PPP1R3F: variants seen among roughly 807,000 people sequenced by gnomAD.
PPP1R3F encodes the protein protein phosphatase 1, regulatory (inhibitor) subunit 3F.
PPP1R3F carries 29 observed loss-of-function variants against 24.2 expected under a neutral mutation model. The ratio of observed to expected loss-of-function variants is 1.20; its 90% CI spans 0.89 to 1.63. The LOEUF (loss-of-function observed/expected upper bound fraction) is 1.63, where lower values mean the gene tolerates loss of function less well. Ranked by LOEUF, PPP1R3F falls within the 40% of genes most tolerant of loss-of-function variation. The pLI, the probability that PPP1R3F is intolerant of heterozygous loss-of-function variation, is 0.00. For synonymous variants in PPP1R3F, 363 were observed against 340.1 expected, an observed-to-expected ratio of 1.07 and a Z score of -0.74; for missense variants, 823 against 729.3, an observed-to-expected ratio of 1.13 and a Z score of -1.48.
chrX:49,292,069 G>C (rs1189065586), downstream of PPP1R3F, among the ~76,000 whole-genome samples: 2 of 111,838 alleles, frequency 1.8e-5, no homozygotes, highest in Admixed American at 9.5e-5. Flanking sequence ...TTGCCAGCAG[G>C]GGGCATCTTA....
intron 3 of PPP1R3F, among the ~76,000 whole-genome samples, chrX:49,297,342 T>A (rs1349949714): frequency 9.2e-6 from 1 of 109,104 alleles, no homozygotes; most frequent in African/African-American, 3.3e-5. Context: ...GCCTCCCGAG[T>A]AGCTGGGACT....
intron 3 of PPP1R3F, among the ~76,000 whole-genome samples, chrX:49,295,482 C>T (rs2066320459): frequency 8.9e-6 from 1 of 111,905 alleles, no homozygotes; most frequent in Admixed American, 9.5e-5. Context: ...AGTTTTGCAT[C>T]CCCAGGATAA....
At chrX:49,285,636 A>G (rs1195707233) in intron 3 of PPP1R3F, among the ~76,000 whole-genome samples, 198 bp from the exon 4 acceptor site, 2 of 111,727 alleles carry the variant, frequency 1.8e-5, no homozygotes, top group East Asian at 2.8e-4. Context: ...ACTGCATCCA[A>G]TTGTGTTATT....
At position 49,270,478 on chromosome X, in the gene PPP1R3F, G is replaced by T. The variant is rs201191607; in HGVS notation, c.609G>T (p.Pro203=). The change falls in exon 1 of 4, where the codon CCG becomes CCT. Residue 203 remains proline, a synonymous_variant. Coordinates refer to ENST00000055335, the MANE Select transcript of PPP1R3F (RefSeq NM_033215.5). Reference sequence around the variant, plus strand: ...CAGCGCGCTACGTCCCGCGCAGCCCGCCGTGGGCAGGAGCGGGAGGAACAG... The same window carrying T: ...CAGCGCGCTACGTCCCGCGCAGCCCTCCGTGGGCAGGAGCGGGAGGAACAG... ...DHPARYVPRS[P]PWAGAGGTGA... is the part of the protein sequence containing the mutation. 19 of 1,203,140 alleles carry T rather than the reference G, an allele frequency of 1.6e-5. No homozygotes were observed. In the African/African-American group the frequency reaches 1.7e-4, roughly 11 times the overall value.
chrX:49,300,477 GTTTT>G (rs35140303), intron 3 of PPP1R3F, among the ~76,000 whole-genome samples: 20 of 70,379 alleles, frequency 2.8e-4, no homozygotes, highest in Non-Finnish European at 3.6e-4. Context: ...TATTGCTGCT[GTTTT>G]TTTTTTTTTT....
At chrX:49,295,023 T>A (rs191096229) in intron 3 of PPP1R3F, among the ~76,000 whole-genome samples, 166 of 109,746 alleles carry the variant, frequency 1.5e-3, no homozygotes, top group African/African-American at 5.1e-3. Flanking sequence ...TTTTTTAAGA[T>A]CATGAATCAA....
At position 49,269,987 on chromosome X, in the gene PPP1R3F, G is replaced by A; in HGVS notation, c.118G>A (p.Ala40Thr). 1.1e-6 allele frequency: 1 copy of A among 914,844 alleles called. No individual in the cohort carries two copies. Among genetic ancestry groups the A allele is most frequent in the Non-Finnish European group, 1.3e-6 (1 of 741,566 alleles). 75.4% of individuals were successfully genotyped at this position (914,844 alleles called of 1,213,427 possible). ...AAVAPRRVLFADEALGLPLAQ... is the reference protein window; with the variant it reads ...AAVAPRRVLFTDEALGLPLAQ... ...GGTGGCCCCGCGGAGGGTGCTGTTC[G>A]CCGACGAGGCCTTGGGGCTGCCGCT... The change falls in exon 1 of 4, where the codon GCC (alanine) becomes ACC (threonine). Residue 40 changes from alanine to threonine, a missense_variant. By Grantham distance (58) the Ala-to-Thr change is moderately conservative (BLOSUM62 0). Transcript: ENST00000055335.
chrX:49,270,380 C>CTTCA lies in PPP1R3F; in HGVS notation c.512_513insTCAT (p.Asn172HisfsTer81). The CTTCA allele has an allele frequency of 8.6e-7, 1 of 1,162,377 alleles. No individual in the cohort carries two copies. The highest frequency in any genetic ancestry group is 1.1e-6 in the Non-Finnish European group (1 of 876,623). On this transcript the variant is annotated frameshift_variant, in exon 1 of 4. Transcript: ENST00000055335. LOFTEE classifies it high-confidence loss of function. Reference sequence around the variant, plus strand: ...GGTGCTGCGCGGGTTGGTACGCGTGCTGAACCGCTCCTTCGAGAAGGCGGT... The same window carrying CTTCA: ...GGTGCTGCGCGGGTTGGTACGCGTGCTTCATGAACCGCTCCTTCGAGAAGGCGGT...
chrX:49,291,127 C>T (rs1215040038), downstream of PPP1R3F, among the ~76,000 whole-genome samples: 1 of 111,360 alleles, frequency 9.0e-6, no homozygotes, highest in Non-Finnish European at 1.9e-5. Context: ...GCTGGGACTA[C>T]AGGCACATGC....
intron 1 of PPP1R3F, chrX:49,274,831 A>G (rs1222797719): frequency 9.0e-6 from 1 of 111,234 alleles, no homozygotes; most frequent in Admixed American, 9.6e-5. Flanking sequence ...GGAACTCCCT[A>G]TAACTTGTGG....
At position 49,270,815 on chromosome X, in the gene PPP1R3F, G is replaced by A. The variant is rs781990919; in HGVS notation, c.946G>A (p.Gly316Ser). ...PQLEPQPECQGPVEAEARQLK... is the reference protein window; with the variant it reads ...PQLEPQPECQSPVEAEARQLK... ...GCTGGAGCCACAGCCCGAGTGCCAG[G>A]GTCCCGTGGAGGCTGAGGCCAGGCA... The change falls in exon 1 of 4, where the codon GGT becomes AGT. Residue 316 changes from glycine to serine, a missense_variant. Physicochemically the swap from Gly to Ser is moderately conservative, Grantham distance 56. Transcript: ENST00000055335. The A allele has an allele frequency of 5.9e-6, 7 of 1,191,220 alleles. No individual in the cohort carries two copies. Among genetic ancestry groups the A allele is most frequent in the Non-Finnish European group, 7.9e-6 (7 of 885,138 alleles).
chrX:49,282,707 C>T (rs1342943646), intron 3 of PPP1R3F, among the ~76,000 whole-genome samples: 4 of 105,444 alleles, frequency 3.8e-5, no homozygotes, highest in Non-Finnish European at 5.8e-5. Context: ...AGGGGCAGAA[C>T]GAGGGAGGGG....
At chrX:49,281,573 T>TA (rs1437561189) in intron 2 of PPP1R3F, 112 bp downstream of exon 2, 1 of 612,507 alleles carries the variant, frequency 1.6e-6, no homozygotes, top group African/African-American at 2.3e-5. Flanking sequence ...CTCATGCCTG[T>TA]AATCCCAGCA....
chrX:49,284,344 ATTTTCT>A (rs1438452409), intron 3 of PPP1R3F, among the ~76,000 whole-genome samples: 3 of 106,262 alleles, frequency 2.8e-5, no homozygotes, highest in Non-Finnish European at 3.9e-5. Context: ...TCTTTTCTTT[ATTTTCT>A]TTTTCTTTTT....
Position 49,270,353 on chromosome X carries a change from C to T in PPP1R3F, c.484C>T (p.Pro162Ser). The change falls in exon 1 of 4, where the codon CCG becomes TCG. Residue 162 changes from proline to serine, a missense_variant. Physicochemically the swap from Pro to Ser is moderately conservative, Grantham distance 74. Transcript: ENST00000055335. ...AGVWVPGGRP[P>S]VLRGLVRVLN... is the part of the protein sequence containing the mutation. ...GGTGTGGGTGCCTGGGGGCCGCCCGCCGGTGCTGCGCGGGTTGGTACGCGT... is the reference window on the plus strand; with the variant it reads ...GGTGTGGGTGCCTGGGGGCCGCCCGTCGGTGCTGCGCGGGTTGGTACGCGT... 1 of 1,147,641 alleles carries T rather than the reference C, an allele frequency of 8.7e-7. No individual in the cohort carries two copies. Among genetic ancestry groups the T allele is most frequent in the Non-Finnish European group, 1.2e-6 (1 of 869,140 alleles). 94.6% of individuals were successfully genotyped at this position (1,147,641 alleles called of 1,213,427 possible).
chrX:49,270,790 G>T lies in PPP1R3F; in HGVS notation c.921G>T (p.Gln307His), dbSNP rs782144454. Residue 307 changes from glutamine (Q) to histidine (H), a missense_variant, in exon 1 of 4, where the codon CAG becomes CAT. Physicochemically the swap from Gln to His is conservative, Grantham distance 24 (BLOSUM62 0). Coordinates refer to ENST00000055335, the MANE Select transcript of PPP1R3F (RefSeq NM_033215.5). ...TGCCCCAGCAGCAGCAGCTGCCGCA[G>T]CTGGAGCCACAGCCCGAGTGCCAGG... ...EGLPQQQQLP[Q>H]LEPQPECQGP... 1.7e-6 allele frequency: 2 copies of T among 1,194,815 alleles called. No homozygotes were observed. Among genetic ancestry groups the T allele is most frequent in the South Asian group, 1.8e-5 (1 of 54,807 alleles).
chrX:49,270,413 C>T lies in PPP1R3F; in HGVS notation c.544C>T (p.Arg182Trp), dbSNP rs782545856. 1.0e-5 allele frequency: 12 copies of T among 1,180,112 alleles called. No individual in the cohort carries two copies. The highest frequency in any genetic ancestry group is 9.2e-5 in the East Asian group (3 of 32,546). Residue 182 changes from arginine (R) to tryptophan (W), a missense_variant, in exon 1 of 4, where the codon CGG (arginine) becomes TGG (tryptophan). Physicochemically the swap from Arg to Trp is moderately radical, Grantham distance 101. Coordinates refer to ENST00000055335, the MANE Select transcript of PPP1R3F (RefSeq NM_033215.5). Reference protein sequence around the residue: ...NRSFEKAVHVRASHDGWASFC... With the variant: ...NRSFEKAVHVWASHDGWASFC... ...CTCCTTCGAGAAGGCGGTGCACGTG[C>T]GGGCCTCACACGACGGCTGGGCTTC...
Position 49,269,910 on chromosome X carries a change from C to T in PPP1R3F, c.41C>T (p.Ser14Phe), listed in dbSNP as rs1409363496. The T allele has an allele frequency of 1.1e-5, 10 of 905,700 alleles. 2 individuals are homozygous for T. The highest frequency in any genetic ancestry group is 1.1e-5 in the Non-Finnish European group (8 of 735,993). 74.6% of individuals were successfully genotyped at this position (905,700 alleles called of 1,213,427 possible). Residue 14 changes from serine (S) to phenylalanine (F), a missense_variant, in exon 1 of 4, where the codon TCC (serine) becomes TTC (phenylalanine). Ser to Phe is a radical substitution (Grantham distance 155). Transcript: ENST00000055335. ...CCTGTGGAGCCCCCGCTGCGGCATT[C>T]CGCGCCCCCCTCGCCGGCCGCGGGT... ...TAPVEPPLRHSAPPSPAAGEP... is the reference protein window; with the variant it reads ...TAPVEPPLRHFAPPSPAAGEP...
At chrX:49,285,370 A>G (rs149822133) in intron 3 of PPP1R3F, among the ~76,000 whole-genome samples, 2,964 of 110,557 alleles carry the variant, frequency 0.027, 103 homozygotes, top group African/African-American at 0.093. Context: ...TAATTTTTGT[A>G]TTTTTGGTAG....
Sources: gnomAD v4.1 joint callset for allele counts (sites outside exome capture counted in the v4.1 genomes callset) on GRCh38, gnomAD v4.1.1 for gene constraint, MANE v1.5 for transcripts, NCBI Gene and HGNC (gene_info 2026-07-23, HGNC 2026-07-21) for gene names.